ALPL: variants seen among roughly 807,000 people sequenced by gnomAD.
The protein encoded by ALPL is alkaline phosphatase, tissue-nonspecific isozyme.
A neutral mutation model predicts 51.3 loss-of-function variants in ALPL; 42 were observed. The observed-to-expected ratio is 0.82, with a 90% CI of 0.64 to 1.06. The LOEUF is 1.06. ALPL is among the 50% of genes least tolerant of loss of function. The probability of loss-of-function intolerance (pLI) is 0.00; values close to 1 mark genes in which losing one functional copy is unlikely to be tolerated. For missense variants in ALPL, 589 were observed against 709.4 expected (o/e 0.83, Z 1.93); for synonymous variants, 279 against 296.4 (o/e 0.94, Z 0.60).
At chr1:21,526,298 C>T (rs930544998) in intron 1 of ALPL, among the ~76,000 whole-genome samples, 7 of 152,090 alleles carry the variant, frequency 4.6e-5, no homozygotes, top group Middle Eastern at 3.4e-3. Flanking sequence ...TACCACCATA[C>T]CTGGCTAATT....
chr1:21,577,746 C>T lies in ALPL; in HGVS notation c.*98C>T. 1 of 1,446,976 alleles carries T rather than the reference C, an allele frequency of 6.9e-7. No homozygotes were observed. Among genetic ancestry groups the T allele is most frequent in the Non-Finnish European group, 9.3e-7 (1 of 1,079,360 alleles). The allele number at this position is 1,446,976 out of a possible 1,614,324, so 89.6% of individuals were successfully genotyped here. A position where few individuals can be genotyped will look rare whatever the true frequency, so the allele number is the denominator to read the frequency against. On this transcript the variant is annotated 3_prime_UTR_variant, in exon 12 of 12. Transcript: ENST00000374840. ...GGCAGGGAGGTGGGGGCCTCCTCAG[C>T]CTCTGCAACTGCAAGAAAGGGGACC...
intron 2 of ALPL, among the ~76,000 whole-genome samples, chr1:21,558,629 A>G (rs980423883): frequency 2.0e-5 from 3 of 152,180 alleles, no homozygotes; most frequent in African/African-American, 7.2e-5. Flanking sequence ...CCCAGTGGGG[A>G]CTGCGTGGGG....
At chr1:21,562,470 G>A (rs1644497517) in intron 4 of ALPL, among the ~76,000 whole-genome samples, 1 of 152,162 alleles carries the variant, frequency 6.6e-6, no homozygotes, top group South Asian at 2.1e-4. Context: ...TCCAGACCCT[G>A]GGTCAGGCCC....
In ALPL at chr1:21,554,034, C is replaced by CG; in HGVS notation, c.-47dup. The CG allele has an allele frequency of 7.6e-7, 1 of 1,315,818 alleles. No individual in the cohort carries two copies. The highest frequency in any genetic ancestry group is 1.1e-6 in the Non-Finnish European group (1 of 917,834). The allele number at this position is 1,315,818 out of a possible 1,614,324, so 81.5% of individuals were successfully genotyped here. ...CCAGCCCACCCCCTCCCACCCACGT[C>CG]GATTGCATCTCTGGGCTCCAGGGAT... On this transcript the variant is annotated 5_prime_UTR_variant, in exon 2 of 12. Transcript: ENST00000374840.
At chr1:21,517,892 A>AT (rs1230393867) in intron 1 of ALPL, among the ~76,000 whole-genome samples, 1 of 151,990 alleles carries the variant, frequency 6.6e-6, no homozygotes, top group African/African-American at 2.4e-5. Flanking sequence ...CCTTCTAAGT[A>AT]CAGTGCTCCA....
At chr1:21,548,357 T>C (rs1418219795) in intron 1 of ALPL, among the ~76,000 whole-genome samples, 2 of 152,198 alleles carry the variant, frequency 1.3e-5, no homozygotes, top group Non-Finnish European at 2.9e-5. Context: ...GAGCGGAGGC[T>C]ATGGGAGAAG....
At chr1:21,546,664 C>T (rs1203742529) in intron 1 of ALPL, among the ~76,000 whole-genome samples, 1 of 152,246 alleles carries the variant, frequency 6.6e-6, no homozygotes, top group Non-Finnish European at 1.5e-5. Flanking sequence ...CAGGGCTTCA[C>T]TAAAGCCTCC....
rs146454261 is a variant in ALPL, at chr1:21,541,902, G to C, written c.-104-12076G>C. Among the ~76,000 whole-genome samples, 3 of 152,262 alleles carry C rather than the reference G, an allele frequency of 2.0e-5. No homozygotes were observed. In the East Asian group the frequency reaches 5.8e-4, roughly 29 times the overall value. On this transcript the variant is annotated intron_variant, in intron 1 of 11. Transcript: ENST00000374840. ...TACTTCCACGTCTGTTTCCTGCCAG[G>C]ATGGGGTGCTGTCAATGGCTAGAAG...
chr1:21,535,302 C>T (rs1265231510), intron 1 of ALPL, among the ~76,000 whole-genome samples: 1 of 152,150 alleles, frequency 6.6e-6, no homozygotes, highest in African/African-American at 2.4e-5. Flanking sequence ...CCACAGCCTG[C>T]AAGCAGCGAG....
chr1:21,564,271 G>A lies in ALPL; in HGVS notation c.648+55G>A. The A allele has an allele frequency of 1.2e-6, 2 of 1,600,714 alleles. No individual in the cohort carries two copies. The highest frequency in any genetic ancestry group is 1.7e-6 in the Non-Finnish European group (2 of 1,173,268). ...CGGGGTGAGGCGGGGCCTCTGGTGGGCAGGAGGCCTCAGGCCCAGGCTGGC... is the reference window on the plus strand; with the variant it reads ...CGGGGTGAGGCGGGGCCTCTGGTGGACAGGAGGCCTCAGGCCCAGGCTGGC... On this transcript the variant is annotated intron_variant, in intron 6 of 11. Coordinates refer to ENST00000374840, the MANE Select transcript of ALPL (RefSeq NM_000478.6). This position sits in a 1 kb window ranked among gnomAD's most constrained non-coding sequence, Gnocchi z 5.8.
At chr1:21,538,153 C>A (rs1644134286) in intron 1 of ALPL, among the ~76,000 whole-genome samples, 1 of 152,194 alleles carries the variant, frequency 6.6e-6, no homozygotes, top group African/African-American at 2.4e-5. Flanking sequence ...ATTCTTGTTC[C>A]TCCAGTGACG....
intron 2 of ALPL, among the ~76,000 whole-genome samples, chr1:21,557,178 G>C (rs1644424872): frequency 6.6e-6 from 1 of 152,148 alleles, no homozygotes; most frequent in South Asian, 2.1e-4. Flanking sequence ...TCCATTATGT[G>C]GCTAGAAGTC....
intron 6 of ALPL, among the ~76,000 whole-genome samples, chr1:21,567,151 A>C (rs1366916378): frequency 1.3e-5 from 2 of 152,170 alleles, no homozygotes; most frequent in Non-Finnish European, 2.9e-5. Flanking sequence ...CAAGGGACCT[A>C]TGAGATGCAG....
chr1:21,522,287 G>A (rs968604802), intron 1 of ALPL, among the ~76,000 whole-genome samples: 2 of 152,132 alleles, frequency 1.3e-5, no homozygotes, highest in South Asian at 2.1e-4. Flanking sequence ...TGTTAGCCAG[G>A]ATGGTCTCCA....
chr1:21,514,742 C>T (rs1251497879), intron 1 of ALPL, among the ~76,000 whole-genome samples: 3 of 152,182 alleles, frequency 2.0e-5, no homozygotes, highest in Non-Finnish European at 1.5e-5. Flanking sequence ...GGTCCTTACA[C>T]CTGCAGACGA....
At position 21,554,792 on chromosome 1, in the gene ALPL, TCTG is replaced by T. The variant is rs1644379422; in HGVS notation, c.61+651_61+653del. On this transcript the variant is annotated intron_variant, in intron 2 of 11. Coordinates refer to ENST00000374840, the MANE Select transcript of ALPL (RefSeq NM_000478.6). ...GGCGTGAGCCACCGCGCCTGGCCTG[TCTG>T]TCTGTCTGTCTGTCTGTCTGTCTTT... 4.5e-3 allele frequency among the ~76,000 whole-genome samples: 401 copies of T among 89,912 alleles called. 7 individuals are homozygous for T. The highest frequency in any genetic ancestry group is 0.01 in the African/African-American group (259 of 25,376). The allele number at this position is 89,912 out of a possible 152,430, so 59.0% of individuals were successfully genotyped here.
At chr1:21,558,518 C>T (rs547654306) in intron 2 of ALPL, among the ~76,000 whole-genome samples, 48 of 152,322 alleles carry the variant, frequency 3.2e-4, no homozygotes, top group Non-Finnish European at 5.1e-4. Context: ...TCATGTCATC[C>T]TAGAACTGCC....
intron 1 of ALPL, among the ~76,000 whole-genome samples, chr1:21,547,283 T>C (rs1009738901): frequency 6.6e-6 from 1 of 150,840 alleles, no homozygotes; most frequent in Non-Finnish European, 1.5e-5. Context: ...TTCTGACTAA[T>C]CCACAAAGAT....
intron 6 of ALPL, 102 bp from the exon 7 acceptor site, chr1:21,568,002 A>ACCATCT: frequency 6.5e-7 from 1 of 1,535,052 alleles, no homozygotes; most frequent in Non-Finnish European, 9.0e-7. Flanking sequence ...AAGTGTCCAC[A>ACCATCT]CCATCTCCAG....
Sources: allele counts gnomAD v4.1 joint callset (sites outside exome capture counted in the v4.1 genomes callset), GRCh38; gene constraint gnomAD v4.1.1; non-coding constraint Gnocchi (gnomAD v3.1); transcripts MANE v1.5; gene names NCBI Gene and HGNC (gene_info 2026-07-23, HGNC 2026-07-21).